The following FAT3 variants were observed in gnomAD, a reference collection of about 807,000 sequenced individuals.
FAT3 encodes FAT atypical cadherin 3, also known as protocadherin Fat 3.
In FAT3, 95 loss-of-function variants were observed where a neutral mutation model predicts 310.2. The ratio of observed to expected loss-of-function variants is 0.31; its 90% CI spans 0.26 to 0.36. The LOEUF is 0.36. Ranked by LOEUF, FAT3 falls within the 10% of genes least tolerant of loss-of-function variation. The probability of loss-of-function intolerance (pLI) is 1.00; values close to 1 mark genes in which losing one functional copy is unlikely to be tolerated. For missense variants in FAT3, 5,408 were observed against 5,715.6 expected (o/e 0.95, Z 1.74); for synonymous variants, 2,314 against 2,192.9 (o/e 1.06, Z -1.54).
rs191578811 is a variant in FAT3 at position 92,225,190 on chromosome 11, T to C, written c.-18+16T>C. Among the ~76,000 whole-genome samples, 1,148 of 152,188 alleles carry C rather than the reference T, an allele frequency of 7.5e-3. 6 individuals are homozygous for C. Among genetic ancestry groups the C allele is most frequent in the Non-Finnish European group, 0.012 (792 of 68,002 alleles). On this transcript the variant is annotated intron_variant, in intron 1 of 27. Coordinates refer to ENST00000525166, the MANE Select transcript of FAT3 (RefSeq NM_001367949.2). Reference sequence around the variant, plus strand: ...GGAGGCAAGGGTGCGTGGGGATTTGTAGCGTGATGATTTGGCTGCCTGGTG... The same window carrying C: ...GGAGGCAAGGGTGCGTGGGGATTTGCAGCGTGATGATTTGGCTGCCTGGTG...
intron 2 of FAT3, among the ~76,000 whole-genome samples, chr11:92,472,656 T>C (rs1290882494): frequency 6.6e-6 from 1 of 152,194 alleles, no homozygotes; most frequent in Non-Finnish European, 1.5e-5. Context: ...TACAATGGAA[T>C]ATTCTACATA....
At chr11:92,481,168 G>A (rs907643199) in intron 2 of FAT3, among the ~76,000 whole-genome samples, 4 of 152,154 alleles carry the variant, frequency 2.6e-5, no homozygotes, top group Non-Finnish European at 5.9e-5. Flanking sequence ...CAAGGAAAAT[G>A]CTAAATCATT....
intron 3 of FAT3, among the ~76,000 whole-genome samples, chr11:92,673,479 A>G (rs1591593034): frequency 6.6e-6 from 1 of 152,170 alleles, no homozygotes; most frequent in Admixed American, 6.5e-5. Context: ...AGGTGTTTTG[A>G]TATGGCAGTA....
rs78875120 is a variant in FAT3 at position 92,342,217 on chromosome 11, G to A, written c.-17-9879G>A. Among the ~76,000 whole-genome samples the A allele has an allele frequency of 2.0e-3, 298 of 152,170 alleles. 1 individual carries two copies. Among genetic ancestry groups the A allele is most frequent in the Non-Finnish European group, 3.2e-3 (216 of 68,020 alleles). On this transcript the variant is annotated intron_variant, in intron 1 of 27. Transcript: ENST00000525166. Reference sequence around the variant, plus strand: ...ATCATTTGTTACATCTTTTCTTGGCGTTTCCATTCTTTGGAAAATGGTCAC... The same window carrying A: ...ATCATTTGTTACATCTTTTCTTGGCATTTCCATTCTTTGGAAAATGGTCAC...
chr11:92,354,430 G>T lies in FAT3; in HGVS notation c.2318G>T (p.Cys773Phe), dbSNP rs374056610. 14 of 1,613,768 alleles carry T rather than the reference G, an allele frequency of 8.7e-6. No individual in the cohort carries two copies. The highest frequency in any genetic ancestry group is 1.2e-5 in the Non-Finnish European group (14 of 1,179,874). ...FTISDGNTDS[C>F]FNIDMETGQL... ...ATATCAGATGGAAATACGGATAGTT[G>T]CTTTAATATTGATATGGAGACTGGG... The change falls in exon 2 of 28, where the codon TGC (cysteine) becomes TTC (phenylalanine). Residue 773 changes from cysteine to phenylalanine, a missense_variant. Coordinates refer to ENST00000525166, the MANE Select transcript of FAT3 (RefSeq NM_001367949.2).
chr11:92,368,842 A>ATATATATATATATG lies in FAT3; in HGVS notation c.3292+13444_3292+13445insTATATATGTATATA, dbSNP rs1055622673. 4.2e-3 allele frequency among the ~76,000 whole-genome samples: 623 copies of ATATATATATATATG among 147,158 alleles called. 17 individuals are homozygous for ATATATATATATATG. Among genetic ancestry groups the ATATATATATATATG allele is most frequent in the African/African-American group, 0.016 (587 of 37,860 alleles). ...TATGTTTGTGTGTATACATATATATATATATACACACATACACATATATAT... is the reference window on the plus strand; with the variant it reads ...TATGTTTGTGTGTATACATATATATATATATATATATATGTATATACACACATACACATATATAT... On this transcript the variant is annotated intron_variant, in intron 2 of 27. Coordinates refer to ENST00000525166, the MANE Select transcript of FAT3 (RefSeq NM_001367949.2).
intron 2 of FAT3, among the ~76,000 whole-genome samples, chr11:92,475,114 G>A (rs1952013204): frequency 6.6e-6 from 1 of 152,062 alleles, no homozygotes; most frequent in Non-Finnish European, 1.5e-5. Context: ...TTGCATATGT[G>A]TGCCTCTTTT....
intron 2 of FAT3, among the ~76,000 whole-genome samples, chr11:92,438,008 G>A (rs1215904474): frequency 6.6e-6 from 1 of 152,124 alleles, no homozygotes; most frequent in Non-Finnish European, 1.5e-5. Flanking sequence ...GTGGATGTAT[G>A]GAAGGTATTC....
intron 2 of FAT3, among the ~76,000 whole-genome samples, chr11:92,493,324 C>T (rs1042625951): frequency 2.0e-5 from 3 of 152,090 alleles, no homozygotes; most frequent in Admixed American, 1.3e-4. Flanking sequence ...TGCCCTTTGG[C>T]TGTTGGCCTT....
At chr11:92,330,967 T>G (rs867723294) in intron 1 of FAT3, among the ~76,000 whole-genome samples, 23 of 94,700 alleles carry the variant, frequency 2.4e-4, no homozygotes, top group South Asian at 5.6e-4. Context: ...GAGTAAAGGG[T>G]GTGTGTGTGT....
intron 3 of FAT3, among the ~76,000 whole-genome samples, chr11:92,559,798 T>C (rs112154478): frequency 5.0e-4 from 76 of 152,354 alleles, no homozygotes; most frequent in African/African-American, 1.7e-3. Context: ...TGTGTATCAG[T>C]ATTTCATTTC....
Position 92,484,091 on chromosome 11 carries a change from G to A in FAT3, c.3293-40543G>A, listed in dbSNP as rs145571918. ...GAGTCCCTTCAGTTTTCCAATGTGAGCATCTGCATGAATTTTCTAATCCAT... is the reference window on the plus strand; with the variant it reads ...GAGTCCCTTCAGTTTTCCAATGTGAACATCTGCATGAATTTTCTAATCCAT... On this transcript the variant is annotated intron_variant, in intron 2 of 27. Coordinates refer to ENST00000525166, the MANE Select transcript of FAT3 (RefSeq NM_001367949.2). Among the ~76,000 whole-genome samples, 257 of 152,340 alleles carry A rather than the reference G, an allele frequency of 1.7e-3. 1 individual carries two copies. The highest frequency in any genetic ancestry group is 5.9e-3 in the African/African-American group (247 of 41,570).
At chr11:92,595,035 G>C (rs993847540) in intron 3 of FAT3, among the ~76,000 whole-genome samples, 2 of 148,602 alleles carry the variant, frequency 1.3e-5, no homozygotes, top group African/African-American at 5.0e-5. Flanking sequence ...GTATCCTTTG[G>C]AGCTAGGAAT....
intron 4 of FAT3, among the ~76,000 whole-genome samples, chr11:92,740,731 A>G (rs953482928): frequency 6.6e-6 from 1 of 152,186 alleles, no homozygotes; most frequent in Admixed American, 6.6e-5. Context: ...CTTAAAAAGC[A>G]TTTCAAATTT....
At chr11:92,480,612 G>A (rs563401179) in intron 2 of FAT3, among the ~76,000 whole-genome samples, 1 of 152,288 alleles carries the variant, frequency 6.6e-6, no homozygotes, top group East Asian at 1.9e-4. Context: ...AATGTAATAT[G>A]TCCATTCTCA....
chr11:92,368,308 A>G (rs1316710115), intron 2 of FAT3, among the ~76,000 whole-genome samples: 1 of 152,338 alleles, frequency 6.6e-6, no homozygotes, highest in Middle Eastern at 3.4e-3. Context: ...ATTTTTAATG[A>G]CATGCCAATT....
At chr11:92,518,368 A>G (rs983493571) in intron 2 of FAT3, among the ~76,000 whole-genome samples, 5 of 152,002 alleles carry the variant, frequency 3.3e-5, no homozygotes, top group African/African-American at 1.2e-4. Context: ...TTGCAGAGAT[A>G]GGATGAAGCT....
chr11:92,750,452 TC>T (rs1945799439), intron 4 of FAT3, among the ~76,000 whole-genome samples: 1 of 152,198 alleles, frequency 6.6e-6, no homozygotes, highest in South Asian at 2.1e-4. Flanking sequence ...AACATATTAT[TC>T]CATAAAATAG....
chr11:92,234,357 C>G (rs1033886534), intron 1 of FAT3, among the ~76,000 whole-genome samples: 1 of 152,094 alleles, frequency 6.6e-6, no homozygotes, highest in East Asian at 1.9e-4. Context: ...TCCCTCAGTA[C>G]TGCTTTGACG....
Sources: gnomAD v4.1 joint callset for allele counts (sites outside exome capture counted in the v4.1 genomes callset) on GRCh38, gnomAD v4.1.1 for gene constraint, MANE v1.5 for transcripts, NCBI Gene and HGNC (gene_info 2026-07-23, HGNC 2026-07-21) for gene names.